WDR7: variants seen among roughly 807,000 people sequenced by gnomAD.
WDR7 encodes the protein WD repeat-containing protein 7.
Under a neutral mutation model 169.4 loss-of-function variants are expected in WDR7, and 46 were observed. That is an observed-to-expected ratio of 0.27 (90% confidence interval 0.21 to 0.35). WDR7 has a LOEUF of 0.35. Among genes scored for constraint, WDR7 ranks in the 10% least tolerant of loss-of-function variants. WDR7 has a pLI of 1.00. For missense variants in WDR7, 1,534 were observed against 1,859.3 expected, an observed-to-expected ratio of 0.83 and a Z score of 3.22; for synonymous variants, 612 against 666.8, an observed-to-expected ratio of 0.92 and a Z score of 1.27.
chr18:56,849,127 C>G (rs1490708431), intron 20 of WDR7, among the ~76,000 whole-genome samples: 1 of 152,174 alleles, frequency 6.6e-6, no homozygotes, highest in African/African-American at 2.4e-5. Context: ...CTCTCCTTCA[C>G]AGCTGATACA....
chr18:56,802,025 G>C (rs1006821634), intron 19 of WDR7, among the ~76,000 whole-genome samples: 7 of 152,134 alleles, frequency 4.6e-5, no homozygotes, highest in African/African-American at 1.7e-4. Flanking sequence ...GAGTAAGTAT[G>C]ACTAAAAATT....
chr18:56,818,669 A>G (rs1422875157), intron 20 of WDR7, among the ~76,000 whole-genome samples: 5 of 152,212 alleles, frequency 3.3e-5, no homozygotes, highest in African/African-American at 7.2e-5. Flanking sequence ...GTGAGGGTTT[A>G]GAAGAAAACC....
At chr18:56,700,104 T>C (rs75389081) in intron 12 of WDR7, among the ~76,000 whole-genome samples, 4,596 of 148,742 alleles carry the variant, frequency 0.031, 217 homozygotes, top group African/African-American at 0.11. Flanking sequence ...TTTTAATTAC[T>C]TAAAAAATTT....
At chr18:56,838,730 G>A (rs1221354606) in intron 20 of WDR7, among the ~76,000 whole-genome samples, 2 of 152,130 alleles carry the variant, frequency 1.3e-5, no homozygotes, top group African/African-American at 4.8e-5. Context: ...GTTTATATGC[G>A]ATGCTGTATC....
At chr18:56,760,344 TTC>T (rs1211866731) in intron 16 of WDR7, among the ~76,000 whole-genome samples, 1 of 152,208 alleles carries the variant, frequency 6.6e-6, no homozygotes, top group African/African-American at 2.4e-5. Context: ...GTGAAGCCAC[TTC>T]TTTTCTTTCT....
chr18:56,820,359 A>C (rs73958340), intron 20 of WDR7, among the ~76,000 whole-genome samples: 2,203 of 127,428 alleles, frequency 0.017, 41 homozygotes, highest in East Asian at 0.034. Flanking sequence ...AAAAAAAAAA[A>C]AAAAACCACC....
At chr18:56,883,507 G>GT (rs946355450) in intron 21 of WDR7, among the ~76,000 whole-genome samples, 2,327 of 136,174 alleles carry the variant, frequency 0.017, 30 homozygotes, top group East Asian at 0.04. Flanking sequence ...TTGTTTTTTT[G>GT]TTTTTTTTTT....
rs1568318990 is a variant in WDR7, at chr18:57,024,554, AGCT to A, written c.4270-2449_4270-2447del. Among the ~76,000 whole-genome samples, 32 of 38,038 alleles carry A rather than the reference AGCT, an allele frequency of 8.4e-4. 1 individual carries two copies. The highest frequency in any genetic ancestry group is 4.2e-3 in the East Asian group (4 of 954). The allele number at this position is 38,038 out of a possible 152,430, so 25.0% of individuals were successfully genotyped here. A position where few individuals can be genotyped will look rare whatever the true frequency, so the allele number is the denominator to read the frequency against. Reference sequence around the variant, plus strand: ...TCTCAGACAGGAATAGGGATATGTGAGCTATGATAGTTATGTCCCTTATAGAAT... The same window carrying A: ...TCTCAGACAGGAATAGGGATATGTGAATGATAGTTATGTCCCTTATAGAAT... On this transcript the variant is annotated intron_variant, in intron 27 of 27. Coordinates refer to ENST00000254442, the MANE Select transcript of WDR7 (RefSeq NM_015285.3).
At chr18:56,876,125 G>A (rs1262868392) in intron 20 of WDR7, among the ~76,000 whole-genome samples, 7 of 152,094 alleles carry the variant, frequency 4.6e-5, no homozygotes, top group African/African-American at 9.7e-5. Flanking sequence ...CTTACCTCCA[G>A]TAATACAGAA....
chr18:56,956,281 C>G (rs2047249214), intron 25 of WDR7, among the ~76,000 whole-genome samples: 1 of 152,136 alleles, frequency 6.6e-6, no homozygotes, highest in Non-Finnish European at 1.5e-5. Context: ...AACAACACAG[C>G]TCGCCCTGAG....
chr18:56,997,394 T>C (rs2047913384), intron 26 of WDR7, among the ~76,000 whole-genome samples: 1 of 152,176 alleles, frequency 6.6e-6, no homozygotes, highest in Admixed American at 6.5e-5. Flanking sequence ...GCATTTACTA[T>C]TTGACTTGTA....
At chr18:56,855,088 C>T (rs1035448394) in intron 20 of WDR7, among the ~76,000 whole-genome samples, 3 of 152,072 alleles carry the variant, frequency 2.0e-5, no homozygotes, top group Non-Finnish European at 2.9e-5. Flanking sequence ...ACATTCTATC[C>T]AACGCTTGAC....
At chr18:56,908,350 C>G (rs1484458927) in intron 21 of WDR7, among the ~76,000 whole-genome samples, 1 of 152,288 alleles carries the variant, frequency 6.6e-6, no homozygotes, top group African/African-American at 2.4e-5. Flanking sequence ...GGAAACTCTG[C>G]CAATCAAGCT....
intron 22 of WDR7, among the ~76,000 whole-genome samples, chr18:56,935,139 A>T (rs910264657): frequency 9.2e-5 from 14 of 152,184 alleles, no homozygotes; most frequent in Admixed American, 4.6e-4. Flanking sequence ...CCTGGACAAC[A>T]TCATGCTATC....
intron 26 of WDR7, among the ~76,000 whole-genome samples, chr18:56,980,517 T>C (rs1211802210): frequency 6.6e-6 from 1 of 152,226 alleles, no homozygotes; most frequent in Non-Finnish European, 1.5e-5. Context: ...AGACAGGTAG[T>C]GCTGACTACC....
At chr18:56,703,135 C>T (rs964142285) in intron 12 of WDR7, among the ~76,000 whole-genome samples, 1 of 152,088 alleles carries the variant, frequency 6.6e-6, no homozygotes, top group Admixed American at 6.6e-5. Context: ...CAGGAATGTG[C>T]GTCATCTAAC....
chr18:56,748,594 A>G (rs912701643), intron 14 of WDR7, among the ~76,000 whole-genome samples: 1 of 152,144 alleles, frequency 6.6e-6, no homozygotes, highest in African/African-American at 2.4e-5. Flanking sequence ...TTATAACGTA[A>G]TATGAAACCT....
intron 22 of WDR7, among the ~76,000 whole-genome samples, chr18:56,931,119 T>C (rs58888645): frequency 0.12 from 18,256 of 152,156 alleles, 3,508 homozygotes; most frequent in African/African-American, 0.41. Context: ...GAGTCTGTCA[T>C]GTCCTCTTTT....
chr18:56,964,676 C>T (rs987943478), intron 26 of WDR7, among the ~76,000 whole-genome samples: 1 of 152,188 alleles, frequency 6.6e-6, no homozygotes, highest in African/African-American at 2.4e-5. Flanking sequence ...GCATGAGCCA[C>T]TGCATCCAGC....
Sources: gnomAD v4.1 joint callset for allele counts (sites outside exome capture counted in the v4.1 genomes callset) on GRCh38, gnomAD v4.1.1 for gene constraint, MANE v1.5 for transcripts, NCBI Gene and HGNC (gene_info 2026-07-23, HGNC 2026-07-21) for gene names.